Variants in PCDHGB2 observed in about 807,000 individuals in gnomAD.
PCDHGB2 encodes the protein protocadherin gamma-B2.
In PCDHGB2, 55 loss-of-function variants were observed where a neutral mutation model predicts 59.3. The ratio of observed to expected loss-of-function variants is 0.93; its 90% CI spans 0.75 to 1.16. The LOEUF (loss-of-function observed/expected upper bound fraction) is 1.16. PCDHGB2 is among the 50% of genes most tolerant of loss of function. PCDHGB2 has a pLI of 0.00. For synonymous variants in PCDHGB2, 516 were observed against 512.0 expected, an observed-to-expected ratio of 1.01 and a Z score of -0.11; for missense variants, 1,228 against 1,198.5, an observed-to-expected ratio of 1.02 and a Z score of -0.36.
chr5:141,464,640 C>T (rs1482089475), intron 1 of PCDHGB2, among the ~76,000 whole-genome samples: 2 of 151,952 alleles, frequency 1.3e-5, no homozygotes, highest in Admixed American at 6.6e-5. Context: ...TTGTTGCCAA[C>T]CTGATGGGTA....
chr5:141,388,826 CAT>C, intron 1 of PCDHGB2: 1 of 1,613,864 alleles, frequency 6.2e-7, no homozygotes, highest in Non-Finnish European at 8.5e-7. Flanking sequence ...AAGAATATTC[CAT>C]AGTTTTGGAA....
intron 1 of PCDHGB2, chr5:141,378,047 TC>T (rs1257560476): frequency 1.3e-5 from 2 of 152,202 alleles, no homozygotes; most frequent in Non-Finnish European, 2.9e-5. Flanking sequence ...ACTTTCCTTA[TC>T]TATCTGACTC....
At chr5:141,455,959 G>A (rs112864392) in intron 1 of PCDHGB2, among the ~76,000 whole-genome samples, 2 of 150,430 alleles carry the variant, frequency 1.3e-5, no homozygotes. Flanking sequence ...GTGCAGTGGC[G>A]CGATCTCAGC....
rs1289898516 is a variant in PCDHGB2 at position 141,487,019 on chromosome 5, C to G, written c.2422-7788C>G. ...CTATCAGCTCCTGGAGGCCCCAGAT[C>G]CCAGCCTGTTTGCAGTCTCTCGATA... On this transcript the variant is annotated intron_variant, in intron 1 of 3. Transcript: ENST00000522605. The surrounding 1 kb of genome is among the most constrained non-coding windows in gnomAD (Gnocchi z 5.0). 1 of 1,614,204 alleles carries G rather than the reference C, an allele frequency of 6.2e-7. No homozygotes were observed. The highest frequency in any genetic ancestry group is 8.5e-7 in the Non-Finnish European group (1 of 1,180,042).
intron 1 of PCDHGB2, chr5:141,371,065 G>GT (rs1255340966): frequency 2.5e-6 from 4 of 1,613,804 alleles, no homozygotes; most frequent in Non-Finnish European, 2.5e-6. Flanking sequence ...TCCAGAAGCT[G>GT]TACCACCCAG....
chr5:141,399,199 C>T (rs2093768918), intron 1 of PCDHGB2: 8 of 1,613,876 alleles, frequency 5.0e-6, no homozygotes, highest in Non-Finnish European at 6.8e-6. Flanking sequence ...AAACGCGGTG[C>T]CTGGAACACT....
rs768509409 is a variant in PCDHGB2 at position 141,489,236 on chromosome 5, G to C, written c.2422-5571G>C. 1 of 1,531,176 alleles carries C rather than the reference G, an allele frequency of 6.5e-7. No homozygotes were observed. 94.8% of individuals were successfully genotyped at this position (1,531,176 alleles called of 1,614,324 possible). On this transcript the variant is annotated intron_variant, in intron 1 of 3. Transcript: ENST00000522605. The surrounding 1 kb of genome is among the most constrained non-coding windows in gnomAD (Gnocchi z 4.5). The stretch of plus-strand genomic sequence containing the variant: ...ACTTACTCTCCACAAAGGGACTTCT[G>C]GGTCATGGGGCCCAAGACACTCCCA...
At position 141,490,551 on chromosome 5, in the gene PCDHGB2, T is replaced by A; in HGVS notation, c.2422-4256T>A. On this transcript the variant is annotated intron_variant, in intron 1 of 3. Coordinates refer to ENST00000522605, the MANE Select transcript of PCDHGB2 (RefSeq NM_018923.3). This position sits in a 1 kb window ranked among gnomAD's most constrained non-coding sequence, Gnocchi z 5.4. ...CTGGTTCACCTTCCCTACACAAACA[T>A]CTCACCATCAGGCTCAACATTTCAG... is the stretch of plus-strand genomic sequence containing the variant. 1 of 1,614,088 alleles carries A rather than the reference T, an allele frequency of 6.2e-7. No individual in the cohort carries two copies. Among genetic ancestry groups the A allele is most frequent in the East Asian group, 2.2e-5 (1 of 44,874 alleles).
At chr5:141,457,098 T>G (rs1179930043) in intron 1 of PCDHGB2, among the ~76,000 whole-genome samples, 1 of 152,242 alleles carries the variant, frequency 6.6e-6, no homozygotes, top group Non-Finnish European at 1.5e-5. Flanking sequence ...AGGATACTAA[T>G]TAAGCAAAAT....
In PCDHGB2 at chr5:141,388,127, C is replaced by T. The variant is rs760517049; in HGVS notation, c.2421+25571C>T. 21 of 1,427,554 alleles carry T rather than the reference C, an allele frequency of 1.5e-5. No homozygotes were observed. The African/African-American group carries it at 2.9e-4, about 20-fold the overall frequency. The allele number at this position is 1,427,554 out of a possible 1,614,324, so 88.4% of individuals were successfully genotyped here. On this transcript the variant is annotated intron_variant, in intron 1 of 3. Coordinates refer to ENST00000522605, the MANE Select transcript of PCDHGB2 (RefSeq NM_018923.3). ...CTTACTTCACCGTGAGCGCAGAGAG[C>T]GGGGAGTTGCTTGTGAGCAGCAGGC...
chr5:141,397,271 T>C (rs552218945), intron 1 of PCDHGB2, among the ~76,000 whole-genome samples: 1 of 152,312 alleles, frequency 6.6e-6, no homozygotes, highest in East Asian at 1.9e-4. Context: ...AGCTACATCA[T>C]ATGGGCAGTA....
chr5:141,385,604 CAT>C, intron 1 of PCDHGB2: 1 of 1,188,174 alleles, frequency 8.4e-7, no homozygotes, highest in Non-Finnish European at 1.1e-6. Flanking sequence ...TTTCTTAACT[CAT>C]ATATTTTATA....
chr5:141,438,392 ATTAAC>A (rs1296512476), intron 1 of PCDHGB2, among the ~76,000 whole-genome samples: 3 of 151,714 alleles, frequency 2.0e-5, no homozygotes, highest in African/African-American at 7.3e-5. Context: ...TTAGTTCATC[ATTAAC>A]TCTCTGAAGT....
chr5:141,449,936 T>C (rs1016569958), intron 1 of PCDHGB2, among the ~76,000 whole-genome samples: 4 of 151,978 alleles, frequency 2.6e-5, no homozygotes, highest in African/African-American at 9.6e-5. Context: ...CCTTATAGTA[T>C]ATTTTACTAT....
intron 1 of PCDHGB2, among the ~76,000 whole-genome samples, chr5:141,401,855 C>T (rs1188056656): frequency 1.3e-5 from 2 of 152,164 alleles, no homozygotes; most frequent in African/African-American, 2.4e-5. Flanking sequence ...TACTTTTAAC[C>T]TTTCAGTAGT....
chr5:141,394,631 C>T (rs1402672360), intron 1 of PCDHGB2: 3 of 1,613,354 alleles, frequency 1.9e-6, no homozygotes, highest in Admixed American at 1.7e-5. Flanking sequence ...GGCTGTCCTA[C>T]CGCCTGCTCA....
At position 141,369,932 on chromosome 5, in the gene PCDHGB2, G is replaced by C. The variant is rs571012686; in HGVS notation, c.2421+7376G>C. On this transcript the variant is annotated intron_variant, in intron 1 of 3. Transcript: ENST00000522605. ...AAAATGGAAACTAAAAACGTGACGG[G>C]ATTGAGCAAGATTATCTCTGCCCTT... Among the ~76,000 whole-genome samples the C allele has an allele frequency of 4.6e-5, 7 of 152,304 alleles. No homozygotes were observed. In the South Asian group the frequency reaches 1.5e-3, roughly 32 times the overall value.
rs2099745591 is a variant in PCDHGB2, at chr5:141,492,999, T to C, written c.2422-1808T>C. Among the ~76,000 whole-genome samples, 3 of 152,350 alleles carry C rather than the reference T, an allele frequency of 2.0e-5. No homozygotes were observed. In the South Asian group the frequency reaches 6.2e-4, roughly 32 times the overall value. ...CTGTCTCCTCTGGCAGATGGAAAGCTATAGGCTCTGCCAGATGCCAGGGTG... is the reference window on the plus strand; with the variant it reads ...CTGTCTCCTCTGGCAGATGGAAAGCCATAGGCTCTGCCAGATGCCAGGGTG... On this transcript the variant is annotated intron_variant, in intron 1 of 3. Coordinates refer to ENST00000522605, the MANE Select transcript of PCDHGB2 (RefSeq NM_018923.3).
chr5:141,427,982 G>T, intron 1 of PCDHGB2: 1 of 1,596,752 alleles, frequency 6.3e-7, no homozygotes, highest in African/African-American at 1.3e-5. Flanking sequence ...CCGCGCTGGG[G>T]CCCGATGGCT....
Sources: allele counts gnomAD v4.1 joint callset (sites outside exome capture counted in the v4.1 genomes callset), GRCh38; gene constraint gnomAD v4.1.1; non-coding constraint Gnocchi (gnomAD v3.1); transcripts MANE v1.5; gene names NCBI Gene and HGNC (gene_info 2026-07-23, HGNC 2026-07-21).